Variants in PTPRM observed in about 807,000 individuals in gnomAD.
PTPRM encodes receptor-type tyrosine-protein phosphatase mu.
PTPRM carries 47 observed loss-of-function variants against 186.7 expected under a neutral mutation model. The ratio of observed to expected loss-of-function variants is 0.25; its 90% CI spans 0.20 to 0.32. The LOEUF (loss-of-function observed/expected upper bound fraction) is 0.32, where lower values mean the gene tolerates loss of function less well. Among genes scored for constraint, PTPRM ranks in the 10% least tolerant of loss-of-function variants. The probability of loss-of-function intolerance (pLI) is 1.00; values close to 1 mark genes in which losing one functional copy is unlikely to be tolerated. For synonymous variants in PTPRM, 668 were observed against 674.9 expected (o/e 0.99, Z 0.16); for missense variants, 1,494 against 1,865.0 (o/e 0.80, Z 3.66).
chr18:8,260,693 C>G (rs2094621024), intron 19 of PTPRM, among the ~76,000 whole-genome samples: 1 of 152,190 alleles, frequency 6.6e-6, no homozygotes, highest in Non-Finnish European at 1.5e-5. Context: ...GCATATCCTA[C>G]AAAAAGCACT....
intron 20 of PTPRM, among the ~76,000 whole-genome samples, chr18:8,308,574 G>T (rs866399755): frequency 1.3e-5 from 2 of 151,860 alleles, no homozygotes; most frequent in African/African-American, 4.8e-5. Context: ...TATAAATGAG[G>T]TATTTTACAT....
chr18:7,619,083 TG>T (rs1000437485), intron 1 of PTPRM, among the ~76,000 whole-genome samples: 1 of 152,130 alleles, frequency 6.6e-6, no homozygotes, highest in African/African-American at 2.4e-5. Context: ...GCTTAAGCAA[TG>T]GGGTGCTTTA....
intron 7 of PTPRM, among the ~76,000 whole-genome samples, chr18:8,014,817 G>T (rs1333625109): frequency 6.6e-6 from 1 of 152,070 alleles, no homozygotes; most frequent in Admixed American, 6.6e-5. Flanking sequence ...AAACCAGTGG[G>T]ATTATCCTTT....
rs144461907 is a variant in PTPRM at position 8,218,334 on chromosome 18, C to G, written c.2301-25724C>G. On this transcript the variant is annotated intron_variant, in intron 14 of 32. Transcript: ENST00000580170. ...ATTACCAACAACGTGACATAATGCA[C>G]TAAATGTCAGTTTTGTCAAACAAAT... Among the ~76,000 whole-genome samples the G allele has an allele frequency of 4.2e-3, 632 of 152,184 alleles. 2 individuals are homozygous for G. Among genetic ancestry groups the G allele is most frequent in the African/African-American group, 0.015 (604 of 41,520 alleles).
chr18:7,921,427 C>A (rs375841612), intron 4 of PTPRM, among the ~76,000 whole-genome samples: 8 of 149,050 alleles, frequency 5.4e-5, no homozygotes, highest in African/African-American at 1.7e-4. Flanking sequence ...GTCGCCCAGG[C>A]TGGAGTGCAG....
chr18:7,991,561 T>C lies in PTPRM; in HGVS notation c.1132+36147T>C, dbSNP rs142476781. ...TCGCAGGGTCTAATTTCATTAACAT[T>C]CTTGCAGCAAATAATTTTCCTGAAT... is the stretch of plus-strand genomic sequence containing the variant. On this transcript the variant is annotated intron_variant, in intron 7 of 32. Coordinates refer to ENST00000580170, the MANE Select transcript of PTPRM (RefSeq NM_001105244.2). 9.5e-3 allele frequency among the ~76,000 whole-genome samples: 1,448 copies of C among 152,270 alleles called. 7 individuals carry two copies. Among genetic ancestry groups the C allele is most frequent in the South Asian group, 0.033 (160 of 4,822 alleles).
chr18:7,807,846 TG>T (rs1239153084), intron 2 of PTPRM, among the ~76,000 whole-genome samples: 1 of 152,220 alleles, frequency 6.6e-6, no homozygotes, highest in African/African-American at 2.4e-5. Context: ...TGACGCAGTG[TG>T]GGTAGAGTCT....
At chr18:7,872,092 G>A (rs1223211748) in intron 2 of PTPRM, among the ~76,000 whole-genome samples, 4 of 152,136 alleles carry the variant, frequency 2.6e-5, no homozygotes, top group Non-Finnish European at 5.9e-5. Context: ...CAGATTATCC[G>A]TCATTGGTGA....
At chr18:8,062,926 G>GC (rs2088682376) in intron 7 of PTPRM, among the ~76,000 whole-genome samples, 3 of 145,514 alleles carry the variant, frequency 2.1e-5, no homozygotes, top group Non-Finnish European at 3.0e-5. Context: ...TCTGTGCCCT[G>GC]CCCCCAGAGG....
chr18:7,674,452 G>A (rs1487954668), intron 1 of PTPRM, among the ~76,000 whole-genome samples: 1 of 152,172 alleles, frequency 6.6e-6, no homozygotes, highest in African/African-American at 2.4e-5. Context: ...AGGGCTGGTG[G>A]TGTGATGGGG....
chr18:7,626,084 G>A lies in PTPRM; in HGVS notation c.73+58193G>A, dbSNP rs2038055164. Among the ~76,000 whole-genome samples the A allele has an allele frequency of 1.4e-4, 21 of 152,316 alleles. 1 individual carries two copies. The South Asian group carries it at 4.4e-3, about 32-fold the overall frequency. On this transcript the variant is annotated intron_variant, in intron 1 of 32. Transcript: ENST00000580170. ...ACATTCATAAAAGCATCTAATGCTA[G>A]GCTCTTGTAATTTTAGCACCTTTTC...
At chr18:8,132,081 A>G (rs967368134) in intron 13 of PTPRM, among the ~76,000 whole-genome samples, 4 of 152,178 alleles carry the variant, frequency 2.6e-5, no homozygotes, top group Non-Finnish European at 5.9e-5. Context: ...TAGTTTATTC[A>G]AGTTGGAGCT....
At chr18:8,123,918 A>G (rs2092260134) in intron 13 of PTPRM, among the ~76,000 whole-genome samples, 1 of 152,216 alleles carries the variant, frequency 6.6e-6, no homozygotes, top group South Asian at 2.1e-4. Context: ...TAGTCCTTTT[A>G]CCAAGCTTTA....
intron 7 of PTPRM, among the ~76,000 whole-genome samples, chr18:7,984,602 T>TATATATATATACACACACAC (rs1214502563): frequency 2.9e-4 from 25 of 87,192 alleles, no homozygotes; most frequent in Non-Finnish European, 4.5e-4. Context: ...TATATATATA[T>TATATATATATACACACACAC]ACACACACAC....
intron 23 of PTPRM, among the ~76,000 whole-genome samples, chr18:8,361,370 C>T (rs966843482): frequency 3.3e-5 from 5 of 152,164 alleles, no homozygotes; most frequent in Non-Finnish European, 7.3e-5. Context: ...GTTCCCTTCT[C>T]GATAGCAGAA....
At chr18:7,950,158 A>T (rs978219436) in intron 6 of PTPRM, among the ~76,000 whole-genome samples, 4 of 152,166 alleles carry the variant, frequency 2.6e-5, no homozygotes, top group African/African-American at 9.7e-5. Context: ...TACATATATA[A>T]TCCCAGCACT....
chr18:8,199,971 ATATATGGG>A (rs1436177291), intron 14 of PTPRM, among the ~76,000 whole-genome samples: 1 of 152,168 alleles, frequency 6.6e-6, no homozygotes, highest in Non-Finnish European at 1.5e-5. Context: ...TTGTTAAATA[ATATATGGG>A]TATTATTTGT....
intron 14 of PTPRM, among the ~76,000 whole-genome samples, chr18:8,197,302 G>A (rs1284597667): frequency 6.6e-6 from 1 of 152,214 alleles, no homozygotes; most frequent in Non-Finnish European, 1.5e-5. Context: ...GTGCTCTACA[G>A]ATTCCGTGTC....
chr18:8,032,012 G>A (rs1427104538), intron 7 of PTPRM, among the ~76,000 whole-genome samples: 1 of 152,138 alleles, frequency 6.6e-6, no homozygotes, highest in Non-Finnish European at 1.5e-5. Context: ...CAATAAATTA[G>A]GGGAAAAATA....
Sources: allele counts gnomAD v4.1 joint callset (sites outside exome capture counted in the v4.1 genomes callset), GRCh38; gene constraint gnomAD v4.1.1; transcripts MANE v1.5; gene names NCBI Gene and HGNC (gene_info 2026-07-23, HGNC 2026-07-21).